Variants in DOCK10 observed in about 807,000 individuals in gnomAD.
DOCK10 encodes the protein dedicator of cytokinesis 10.
Under a neutral mutation model 280.1 loss-of-function variants are expected in DOCK10, and 145 were observed. The ratio of observed to expected loss-of-function variants is 0.52; its 90% CI spans 0.45 to 0.59. DOCK10 has a LOEUF of 0.59. Ranked by LOEUF, DOCK10 falls within the 20% of genes least tolerant of loss-of-function variation. The pLI, the probability that DOCK10 is intolerant of heterozygous loss-of-function variation, is 0.00. For synonymous variants in DOCK10, 915 were observed against 942.2 expected (o/e 0.97, Z 0.53); for missense variants, 2,368 against 2,651.7 (o/e 0.89, Z 2.35).
chr2:224,845,713 T>G, intron 19 of DOCK10, 71 bp from the exon 20 acceptor site: 1 of 1,421,356 alleles, frequency 7.0e-7, no homozygotes, highest in Admixed American at 2.2e-5. Flanking sequence ...AGACAAAGCA[T>G]AGCTTTTTAA....
At position 224,796,046 on chromosome 2, in the gene DOCK10, A is replaced by AATTATT. The variant is rs373877633; in HGVS notation, c.4938+264_4938+269dup. Among the ~76,000 whole-genome samples the AATTATT allele has an allele frequency of 2.4e-3, 361 of 150,360 alleles. 1 individual carries two copies. The highest frequency in any genetic ancestry group is 0.014 in the Middle Eastern group (4 of 282). ...CAAAGTCTCAATAAACAAAATAAAC[A>AATTATT]ATTATTATTATTATTATTATTATTA... On this transcript the variant is annotated intron_variant, in intron 44 of 55. Transcript: ENST00000258390.
At chr2:224,890,985 G>A (rs1018408022) in intron 4 of DOCK10, among the ~76,000 whole-genome samples, 1 of 152,202 alleles carries the variant, frequency 6.6e-6, no homozygotes. Context: ...ATTCCGAAGA[G>A]TCTAGAGAGG....
intron 1 of DOCK10, among the ~76,000 whole-genome samples, chr2:224,989,540 C>T (rs1706073311): frequency 6.6e-6 from 1 of 152,130 alleles, no homozygotes; most frequent in African/African-American, 2.4e-5. Flanking sequence ...AGGAGGAGAA[C>T]ACCTTAGATT....
chr2:224,983,518 T>A (rs1376036634), intron 1 of DOCK10: 2 of 197,066 alleles, frequency 1.0e-5, no homozygotes, highest in Non-Finnish European at 2.1e-5. Flanking sequence ...GAAAAAAAAA[T>A]GTTTTCTGTG....
chr2:224,975,815 T>C (rs1352137715), intron 1 of DOCK10, among the ~76,000 whole-genome samples: 2 of 152,198 alleles, frequency 1.3e-5, no homozygotes, highest in Non-Finnish European at 2.9e-5. Flanking sequence ...GAAAGAAGAA[T>C]TATTGTCTTC....
intron 25 of DOCK10, among the ~76,000 whole-genome samples, chr2:224,837,092 G>A (rs1269779562): frequency 6.6e-6 from 1 of 152,150 alleles, no homozygotes; most frequent in Non-Finnish European, 1.5e-5. Flanking sequence ...CTGTATTTCT[G>A]GATGGGTTCT....
At chr2:225,024,328 T>G (rs781109189) in intron 1 of DOCK10, among the ~76,000 whole-genome samples, 4 of 152,196 alleles carry the variant, frequency 2.6e-5, no homozygotes, top group Non-Finnish European at 5.9e-5. Context: ...ATTATAGTTG[T>G]GTAAGAGAAT....
rs140744759 is a variant in DOCK10, at chr2:224,796,844, T to C, written c.4827+120A>G. On this transcript the variant is annotated intron_variant, in intron 43 of 55. Transcript: ENST00000258390. ...CAGAACTGAATGCTGTGGGCGTCTT[T>C]AAGGAGGACGCTAGTGGAGGAGTTA... 9 of 882,292 alleles carry C rather than the reference T, an allele frequency of 1.0e-5. No homozygotes were observed. In the East Asian group the frequency reaches 2.0e-4, roughly 19 times the overall value. The allele number at this position is 882,292 out of a possible 1,614,324, so 54.7% of individuals were successfully genotyped here.
intron 15 of DOCK10, among the ~76,000 whole-genome samples, chr2:224,855,827 C>T (rs1423969084): frequency 1.3e-5 from 2 of 152,162 alleles, no homozygotes; most frequent in Non-Finnish European, 2.9e-5. Context: ...AGGAATTTTG[C>T]TTGACAGCTA....
At chr2:224,904,697 G>GGCAAGT (rs1210142714) in intron 3 of DOCK10, among the ~76,000 whole-genome samples, 1 of 151,992 alleles carries the variant, frequency 6.6e-6, no homozygotes, top group Non-Finnish European at 1.5e-5. Flanking sequence ...CTTATATATG[G>GGCAAGT]GCAAGTGTGA....
Position 224,855,056 on chromosome 2 carries a change from T to G in DOCK10, c.1809-14A>C. 1.6e-6 allele frequency: 2 copies of G among 1,253,956 alleles called. No individual in the cohort carries two copies. Among genetic ancestry groups the G allele is most frequent in the Non-Finnish European group, 2.2e-6 (2 of 905,852 alleles). 77.7% of individuals were successfully genotyped at this position (1,253,956 alleles called of 1,614,324 possible). The stretch of plus-strand genomic sequence containing the variant: ...ATTCTGTCGGCCCTGTAAGAGTGCA[T>G]GAGCAAGGACACACACACACACACA... On this transcript the variant is annotated splice_polypyrimidine_tract_variant and intron_variant, in intron 15 of 55. Coordinates refer to ENST00000258390, the MANE Select transcript of DOCK10 (RefSeq NM_014689.3).
rs572179361 is a variant in DOCK10, at chr2:224,793,966, T to C, written c.5155-509A>G. Among the ~76,000 whole-genome samples, 8 of 152,344 alleles carry C rather than the reference T, an allele frequency of 5.3e-5. No individual in the cohort carries two copies. The South Asian group carries it at 1.4e-3, about 28-fold the overall frequency. The stretch of plus-strand genomic sequence containing the variant: ...CACCCGTGCTCCCCACAAACTAGAT[T>C]ATATGGCTGATGTTATATTTTAATC... On this transcript the variant is annotated intron_variant, in intron 45 of 55. Coordinates refer to ENST00000258390, the MANE Select transcript of DOCK10 (RefSeq NM_014689.3).
chr2:224,778,091 A>T, intron 51 of DOCK10, 47 bp downstream of exon 51: 1 of 1,567,718 alleles, frequency 6.4e-7, no homozygotes, highest in Non-Finnish European at 8.7e-7. Flanking sequence ...AAGAATAAAA[A>T]ACTCAGTCAA....
chr2:224,844,730 G>C (rs368731803), intron 22 of DOCK10, 23 bp downstream of exon 22: 37 of 1,434,790 alleles, frequency 2.6e-5, no homozygotes, highest in Non-Finnish European at 3.3e-5. Flanking sequence ...GAAGATGCTA[G>C]TATTTCAGGT....
chr2:224,779,413 G>T (rs1000418314), intron 50 of DOCK10, among the ~76,000 whole-genome samples: 1 of 151,868 alleles, frequency 6.6e-6, no homozygotes, highest in South Asian at 2.1e-4. Flanking sequence ...GTGGAGTTTC[G>T]CCATGTTGGC....
intron 1 of DOCK10, among the ~76,000 whole-genome samples, chr2:225,015,086 G>A (rs1341281518): frequency 1.3e-5 from 2 of 152,192 alleles, no homozygotes; most frequent in African/African-American, 4.8e-5. Flanking sequence ...GAGGATGGGG[G>A]TGCAGTTTGG....
intron 2 of DOCK10, among the ~76,000 whole-genome samples, chr2:224,920,845 C>T (rs980545835): frequency 2.9e-4 from 44 of 151,486 alleles, no homozygotes; most frequent in African/African-American, 9.5e-4. Flanking sequence ...TTAAGTAAAA[C>T]ATAAATAATA....
chr2:224,789,245 A>G, intron 47 of DOCK10, 75 bp from the exon 48 acceptor site: 1 of 852,920 alleles, frequency 1.2e-6, no homozygotes, highest in Admixed American at 2.1e-5. Flanking sequence ...GCCTTTCTTC[A>G]TGATGTTACC....
At chr2:225,038,492 G>A (rs778039708) in intron 1 of DOCK10, among the ~76,000 whole-genome samples, 2 of 152,084 alleles carry the variant, frequency 1.3e-5, no homozygotes, top group East Asian at 3.9e-4. Flanking sequence ...TGAAGAGTTA[G>A]GAAACATCAA....
Sources: gnomAD v4.1 joint callset for allele counts (sites outside exome capture counted in the v4.1 genomes callset) on GRCh38, gnomAD v4.1.1 for gene constraint, MANE v1.5 for transcripts, NCBI Gene and HGNC (gene_info 2026-07-23, HGNC 2026-07-21) for gene names.